The following FOXP1 variants were observed in gnomAD, a reference collection of about 807,000 sequenced individuals.
FOXP1 encodes forkhead box P1, also known as forkhead box protein P1.
FOXP1 carries 15 observed loss-of-function variants against 98.2 expected under a neutral mutation model. The ratio of observed to expected loss-of-function variants is 0.15; its 90% CI spans 0.10 to 0.24. FOXP1 has a LOEUF of 0.24. Ranked by LOEUF, FOXP1 falls within the 10% of genes least tolerant of loss-of-function variation. The pLI is 1.00. For missense variants in FOXP1, 633 were observed against 848.5 expected, an observed-to-expected ratio of 0.75 and a Z score of 3.15; for synonymous variants, 371 against 314.5, an observed-to-expected ratio of 1.18 and a Z score of -1.90.
chr3:71,388,567 C>T (rs1444559033), intron 3 of FOXP1, among the ~76,000 whole-genome samples: 1 of 151,914 alleles, frequency 6.6e-6, no homozygotes, highest in African/African-American at 2.4e-5. Flanking sequence ...TTTTTTTAAC[C>T]TGTTGACTAT....
intron 3 of FOXP1, among the ~76,000 whole-genome samples, chr3:71,482,952 C>T (rs143579764): frequency 2.7e-3 from 405 of 152,022 alleles, no homozygotes; most frequent in Non-Finnish European, 3.9e-3. Context: ...CCCCCCACCT[C>T]AGCCTCCCAT....
intron 5 of FOXP1, among the ~76,000 whole-genome samples, chr3:71,274,317 T>A (rs973535911): frequency 2.2e-4 from 34 of 152,250 alleles, no homozygotes; most frequent in East Asian, 3.9e-4. Flanking sequence ...ACTAAGGACA[T>A]TAAGAAGAAA....
intron 3 of FOXP1, among the ~76,000 whole-genome samples, chr3:71,386,815 A>G (rs1333626322): frequency 6.6e-6 from 1 of 151,980 alleles, no homozygotes; most frequent in African/African-American, 2.4e-5. Flanking sequence ...TGAATTGTCA[A>G]CCACTAAGCT....
At chr3:71,255,031 G>T (rs1022584429) in intron 5 of FOXP1, among the ~76,000 whole-genome samples, 3 of 152,136 alleles carry the variant, frequency 2.0e-5, no homozygotes, top group African/African-American at 7.2e-5. Flanking sequence ...CAGTGAGTCG[G>T]TGATCACACC....
chr3:71,064,167 G>A (rs1478303), intron 7 of FOXP1, among the ~76,000 whole-genome samples: 7,655 of 152,244 alleles, frequency 0.05, 294 homozygotes, highest in East Asian at 0.13. Flanking sequence ...TCGCTCGCCT[G>A]CTCCGGTGTG....
intron 5 of FOXP1, among the ~76,000 whole-genome samples, chr3:71,199,357 G>A (rs77702181): frequency 0.012 from 1,898 of 152,038 alleles, 37 homozygotes; most frequent in African/African-American, 0.043. Flanking sequence ...CACCCGTCTC[G>A]GCCTCCCGAA....
At chr3:71,308,695 A>T (rs2074454990) in intron 4 of FOXP1, among the ~76,000 whole-genome samples, 2 of 152,030 alleles carry the variant, frequency 1.3e-5, no homozygotes, top group East Asian at 3.9e-4. Flanking sequence ...AGGAAAAAAA[A>T]ATAAACTGGA....
At chr3:71,096,310 T>C (rs898730684) in intron 7 of FOXP1, among the ~76,000 whole-genome samples, 2 of 152,164 alleles carry the variant, frequency 1.3e-5, no homozygotes, top group African/African-American at 4.8e-5. Flanking sequence ...CTTATGAAGG[T>C]TTTTAAATAT....
intron 6 of FOXP1, among the ~76,000 whole-genome samples, chr3:71,185,539 A>C (rs2062594351): frequency 6.6e-6 from 1 of 152,238 alleles, no homozygotes; most frequent in Non-Finnish European, 1.5e-5. Context: ...CACACTTGTC[A>C]GCCCACATCT....
chr3:71,138,154 T>C (rs2107976551), intron 6 of FOXP1, among the ~76,000 whole-genome samples: 1 of 152,286 alleles, frequency 6.6e-6, no homozygotes, highest in East Asian at 1.9e-4. Context: ...GAACAAAGGT[T>C]CCTGTGTGCG....
At chr3:70,978,908 G>A (rs549869596) in intron 14 of FOXP1, among the ~76,000 whole-genome samples, 2 of 152,060 alleles carry the variant, frequency 1.3e-5, no homozygotes, top group Non-Finnish European at 2.9e-5. Context: ...AGTTTTGAAT[G>A]TTCTATAAAA....
chr3:71,546,760 C>A (rs1466902710), intron 2 of FOXP1, among the ~76,000 whole-genome samples: 1 of 152,190 alleles, frequency 6.6e-6, no homozygotes, highest in Non-Finnish European at 1.5e-5. Context: ...AGCTGCCTAG[C>A]CTCTGCAGCC....
chr3:70,977,820 G>A lies in FOXP1; in HGVS notation c.1348+8C>T, dbSNP rs1334900191. ...AACTCTACGTGAGGCAAAAGGTGGAGTATCTACCTGACGAAATGGGCACGT... is the reference window on the plus strand; with the variant it reads ...AACTCTACGTGAGGCAAAAGGTGGAATATCTACCTGACGAAATGGGCACGT... On this transcript the variant is annotated splice_region_variant and intron_variant, in intron 15 of 20. Transcript: ENST00000649528. The A allele has an allele frequency of 2.5e-6, 4 of 1,613,538 alleles. No individual in the cohort carries two copies. Among genetic ancestry groups the A allele is most frequent in the Non-Finnish European group, 2.5e-6 (3 of 1,179,438 alleles).
At chr3:71,072,909 C>G (rs1256784514) in intron 7 of FOXP1, among the ~76,000 whole-genome samples, 1 of 152,206 alleles carries the variant, frequency 6.6e-6, no homozygotes, top group Non-Finnish European at 1.5e-5. Flanking sequence ...AAAGAGTAAT[C>G]TCACAGAGAC....
At chr3:71,155,434 C>T (rs1282022959) in intron 6 of FOXP1, among the ~76,000 whole-genome samples, 2 of 152,136 alleles carry the variant, frequency 1.3e-5, no homozygotes, top group Admixed American at 6.5e-5. Context: ...GGCTATTTTG[C>T]TCTTTCAAAA....
Position 70,959,116 on chromosome 3 carries a change from G to T in FOXP1, c.*131C>A. 1 of 1,036,312 alleles carries T rather than the reference G, an allele frequency of 9.6e-7. No individual in the cohort carries two copies. The highest frequency in any genetic ancestry group is 1.5e-6 in the Non-Finnish European group (1 of 681,916). 64.2% of individuals were successfully genotyped at this position (1,036,312 alleles called of 1,614,324 possible). A position where few individuals can be genotyped will look rare whatever the true frequency, so the allele number is the denominator to read the frequency against. ...GCACTAAGAGTTAACACATTTCAGA[G>T]TTGTCAAAACGTAGTGAAAATCCTC... On this transcript the variant is annotated 3_prime_UTR_variant, in exon 21 of 21. Transcript: ENST00000649528.
intron 5 of FOXP1, among the ~76,000 whole-genome samples, chr3:71,253,833 G>A (rs1485290702): frequency 1.3e-5 from 2 of 152,088 alleles, no homozygotes; most frequent in African/African-American, 4.8e-5. Flanking sequence ...TTAAATATAT[G>A]TAGCACTAAC....
chr3:71,321,862 C>T (rs1011666336), intron 4 of FOXP1, among the ~76,000 whole-genome samples: 1 of 152,074 alleles, frequency 6.6e-6, no homozygotes, highest in Non-Finnish European at 1.5e-5. Flanking sequence ...ACCTGTGATC[C>T]GCCTGCCTCG....
intron 3 of FOXP1, among the ~76,000 whole-genome samples, chr3:71,461,994 G>A (rs1397596961): frequency 6.6e-6 from 1 of 152,082 alleles, no homozygotes; most frequent in African/African-American, 2.4e-5. Flanking sequence ...GGAGAATCAA[G>A]GATACCTGAA....
Sources: allele counts gnomAD v4.1 joint callset (sites outside exome capture counted in the v4.1 genomes callset), GRCh38; gene constraint gnomAD v4.1.1; transcripts MANE v1.5; gene names NCBI Gene and HGNC (gene_info 2026-07-23, HGNC 2026-07-21).